Variants in TSGA10 observed in about 807,000 individuals in gnomAD.
TSGA10 encodes the protein testis specific 10.
In TSGA10, 43 loss-of-function variants were observed where a neutral mutation model predicts 96.6. The observed-to-expected ratio is 0.44, with a 90% CI of 0.35 to 0.57. The LOEUF (loss-of-function observed/expected upper bound fraction) is 0.57. TSGA10 is among the 20% of genes least tolerant of loss of function. The probability of loss-of-function intolerance (pLI) is 0.01; values close to 1 mark genes in which losing one functional copy is unlikely to be tolerated. For synonymous variants in TSGA10, 229 were observed against 269.9 expected, an observed-to-expected ratio of 0.85 and a Z score of 1.48; for missense variants, 703 against 834.4, an observed-to-expected ratio of 0.84 and a Z score of 1.94.
chr2:99,148,953 AT>A (rs1176194670), intron 1 of TSGA10, among the ~76,000 whole-genome samples: 1 of 152,048 alleles, frequency 6.6e-6, no homozygotes, highest in African/African-American at 2.4e-5. Flanking sequence ...TGTTATATAT[AT>A]TTTACCACAA....
At chr2:99,004,296 G>A (rs1264767071) in intron 20 of TSGA10, among the ~76,000 whole-genome samples, 1 of 151,974 alleles carries the variant, frequency 6.6e-6, no homozygotes, top group Non-Finnish European at 1.5e-5. Flanking sequence ...TGAAATTGAG[G>A]CAATAATTAA....
At chr2:99,029,633 A>C (rs1248839712) in intron 17 of TSGA10, among the ~76,000 whole-genome samples, 1 of 152,208 alleles carries the variant, frequency 6.6e-6, no homozygotes, top group East Asian at 1.9e-4. Flanking sequence ...TAATAGGCTA[A>C]ATAAGAAAAA....
At chr2:99,074,629 C>T (rs74262374) in intron 12 of TSGA10, among the ~76,000 whole-genome samples, 8,252 of 152,098 alleles carry the variant, frequency 0.054, 423 homozygotes, top group East Asian at 0.21. Context: ...CATTTCTAAA[C>T]AAATTCTGAA....
chr2:99,149,748 C>CTAG, intron 1 of TSGA10, among the ~76,000 whole-genome samples: 1 of 143,620 alleles, frequency 7.0e-6, no homozygotes, highest in East Asian at 2.2e-4. Context: ...GGCCGATCAT[C>CTAG]TCTTTTTACA....
chr2:99,016,543 A>G (rs1426372885), intron 20 of TSGA10, among the ~76,000 whole-genome samples: 1 of 152,226 alleles, frequency 6.6e-6, no homozygotes, highest in African/African-American at 2.4e-5. Flanking sequence ...TAAAAATTCT[A>G]GAAGATAACA....
In TSGA10 at chr2:99,078,825, ATCAT is replaced by A. The variant is rs2087070087; in HGVS notation, c.728-16_728-13del. ...CCTTGTAAAGTTATCTATGTATGCA[ATCAT>A]AAAAGTGTTGTTTTAATCAAAATAA... On this transcript the variant is annotated splice_polypyrimidine_tract_variant and intron_variant, in intron 11 of 20. Coordinates refer to ENST00000393483, the MANE Select transcript of TSGA10 (RefSeq NM_025244.4). 1 of 1,593,526 alleles carries A rather than the reference ATCAT, an allele frequency of 6.3e-7. No individual in the cohort carries two copies. The highest frequency in any genetic ancestry group is 8.5e-7 in the Non-Finnish European group (1 of 1,173,210).
intron 12 of TSGA10, among the ~76,000 whole-genome samples, chr2:99,075,882 T>C (rs1398846879): frequency 2.0e-5 from 3 of 152,124 alleles, no homozygotes; most frequent in Non-Finnish European, 2.9e-5. Context: ...TGAAAGGAAA[T>C]CATGCTTAAA....
At chr2:99,063,005 T>C (rs2084867773) in intron 16 of TSGA10, among the ~76,000 whole-genome samples, 2 of 152,210 alleles carry the variant, frequency 1.3e-5, no homozygotes, top group African/African-American at 2.4e-5. Flanking sequence ...CTTCCAGATA[T>C]CAAGACTCAA....
intron 1 of TSGA10, among the ~76,000 whole-genome samples, chr2:99,145,630 C>T (rs2093624116): frequency 6.6e-6 from 1 of 152,120 alleles, no homozygotes; most frequent in Admixed American, 6.6e-5. Flanking sequence ...TTTTCCCACC[C>T]TCAGAGTCAG....
intron 16 of TSGA10, among the ~76,000 whole-genome samples, chr2:99,051,750 T>A (rs1346504352): frequency 6.6e-6 from 1 of 151,656 alleles, no homozygotes; most frequent in Non-Finnish European, 1.5e-5. Flanking sequence ...AATCAAGAAA[T>A]TTTTTTAAGC....
At chr2:99,034,415 T>A (rs983206439) in intron 17 of TSGA10, among the ~76,000 whole-genome samples, 2 of 151,882 alleles carry the variant, frequency 1.3e-5, no homozygotes, top group Admixed American at 6.6e-5. Flanking sequence ...ATAAAAAAAA[T>A]AAAGGTTCAA....
At chr2:99,033,961 T>A (rs890399676) in intron 17 of TSGA10, among the ~76,000 whole-genome samples, 7 of 152,126 alleles carry the variant, frequency 4.6e-5, no homozygotes, top group Non-Finnish European at 8.8e-5. Context: ...TTTCTCCCAG[T>A]TGGTGTATGA....
At chr2:99,081,699 G>T (rs747734344) in intron 10 of TSGA10, among the ~76,000 whole-genome samples, 41 of 152,104 alleles carry the variant, frequency 2.7e-4, no homozygotes, top group Non-Finnish European at 5.3e-4. Flanking sequence ...TCTGGTTGGG[G>T]TTTGTCTGTC....
At chr2:99,057,327 C>G (rs2084124118) in intron 16 of TSGA10, among the ~76,000 whole-genome samples, 1 of 152,064 alleles carries the variant, frequency 6.6e-6, no homozygotes, top group African/African-American at 2.4e-5. Context: ...GAAAATCCAC[C>G]AGCCCAGGTG....
chr2:99,145,700 G>T (rs1273148719), intron 1 of TSGA10, among the ~76,000 whole-genome samples: 1 of 152,206 alleles, frequency 6.6e-6, no homozygotes, highest in East Asian at 1.9e-4. Context: ...AGCTTCTGGG[G>T]ATTAGGACAA....
chr2:99,126,536 A>AT (rs1340518813), intron 2 of TSGA10: 1 of 152,548 alleles, frequency 6.6e-6, no homozygotes, highest in Non-Finnish European at 1.5e-5. Context: ...AGCAGGAGGA[A>AT]TAAAAAAAAG....
In TSGA10 at chr2:99,077,999, C is replaced by A. The variant is rs566436234; in HGVS notation, c.882+660G>T. Among the ~76,000 whole-genome samples, 19 of 151,876 alleles carry A rather than the reference C, an allele frequency of 1.3e-4. No homozygotes were observed. The East Asian group carries it at 3.7e-3, about 30-fold the overall frequency. On this transcript the variant is annotated intron_variant, in intron 12 of 20. Coordinates refer to ENST00000393483, the MANE Select transcript of TSGA10 (RefSeq NM_025244.4). Reference sequence around the variant, plus strand: ...AAAAATGTGCTCCTAGGGCAGGGTGCAGCGGCTTATGCCTGTAATCCCAGC... The same window carrying A: ...AAAAATGTGCTCCTAGGGCAGGGTGAAGCGGCTTATGCCTGTAATCCCAGC...
chr2:99,050,164 G>A (rs1238923324), intron 16 of TSGA10, among the ~76,000 whole-genome samples: 1 of 152,128 alleles, frequency 6.6e-6, no homozygotes, highest in Non-Finnish European at 1.5e-5. Context: ...ATGGGAGGGC[G>A]AGGGAAGGCT....
At chr2:99,147,509 C>T (rs768892095) in intron 1 of TSGA10, 5 of 1,611,924 alleles carry the variant, frequency 3.1e-6, no homozygotes, top group Non-Finnish European at 4.2e-6. Context: ...ACTCACAGGG[C>T]CAAGTCTACC....
Sources: allele counts gnomAD v4.1 joint callset (sites outside exome capture counted in the v4.1 genomes callset), GRCh38; gene constraint gnomAD v4.1.1; transcripts MANE v1.5; gene names NCBI Gene and HGNC (gene_info 2026-07-23, HGNC 2026-07-21).